C12orf42: variants seen among roughly 807,000 people sequenced by gnomAD.
C12orf42 encodes the protein chromosome 12 open reading frame 42.
A neutral mutation model predicts 21.6 loss-of-function variants in C12orf42; 25 were observed. The ratio of observed to expected loss-of-function variants is 1.16; its 90% confidence interval spans 0.84 to 1.62. The LOEUF (loss-of-function observed/expected upper bound fraction) is 1.62, where lower values mean the gene tolerates loss of function less well. Ranked by LOEUF, C12orf42 falls within the 40% of genes most tolerant of loss-of-function variation. C12orf42 has a pLI of 0.00. For missense variants in C12orf42, 483 were observed against 459.3 expected (o/e 1.05, Z -0.47); for synonymous variants, 174 against 175.0 (o/e 0.99, Z 0.05).
the C12orf42 span, among the ~76,000 whole-genome samples, chr12:103,113,971 G>T: frequency 6.6e-6 from 1 of 152,116 alleles, no homozygotes; most frequent in Non-Finnish European, 1.5e-5. Context: ...CAACAGTTTA[G>T]ATTTTTTTGT....
At chr12:103,068,842 T>C in the C12orf42 span, among the ~76,000 whole-genome samples, 2 of 147,406 alleles carry the variant, frequency 1.4e-5, no homozygotes, top group African/African-American at 2.5e-5. Flanking sequence ...CTTGTGATCA[T>C]GGGAGTTAAT....
downstream of C12orf42, among the ~76,000 whole-genome samples, chr12:103,297,075 T>C (rs905035744): frequency 6.6e-6 from 1 of 152,236 alleles, no homozygotes; most frequent in Non-Finnish European, 1.5e-5. Flanking sequence ...GCTTTCTACA[T>C]ATGGCTAGCC....
the C12orf42 span, among the ~76,000 whole-genome samples, chr12:103,541,100 C>T: frequency 3.9e-5 from 6 of 152,040 alleles, no homozygotes; most frequent in Admixed American, 2.6e-4. Flanking sequence ...GATGGAGTTT[C>T]ACCATGTTGC....
At chr12:103,332,996 A>G (rs991801004) in intron 4 of C12orf42, among the ~76,000 whole-genome samples, 1 of 152,208 alleles carries the variant, frequency 6.6e-6, no homozygotes, top group African/African-American at 2.4e-5. Context: ...AGAATTTCAG[A>G]TAGTAAGCAA....
chr12:103,345,760 A>G (rs1266226941), intron 4 of C12orf42, among the ~76,000 whole-genome samples: 1 of 152,224 alleles, frequency 6.6e-6, no homozygotes, highest in Non-Finnish European at 1.5e-5. Context: ...TAGTAAGTCA[A>G]CTGGGTATAA....
the C12orf42 span, among the ~76,000 whole-genome samples, chr12:103,068,875 C>CTCTATA: frequency 2.3e-5 from 3 of 128,798 alleles, no homozygotes; most frequent in East Asian, 2.1e-4. Context: ...ACTCCTCTCT[C>CTCTATA]TATATATATA....
the C12orf42 span, among the ~76,000 whole-genome samples, chr12:103,055,967 A>T: frequency 1.3e-5 from 2 of 152,032 alleles, no homozygotes; most frequent in Non-Finnish European, 2.9e-5. Context: ...GATATAGTCT[A>T]TTTTGGTATA....
chr12:103,525,768 G>A, the C12orf42 span, among the ~76,000 whole-genome samples: 1 of 152,120 alleles, frequency 6.6e-6, no homozygotes, highest in Non-Finnish European at 1.5e-5. Context: ...GGTGGCTCAC[G>A]CCTGTAATCC....
the C12orf42 span, among the ~76,000 whole-genome samples, chr12:103,562,393 C>T: frequency 6.6e-6 from 1 of 152,166 alleles, no homozygotes; most frequent in African/African-American, 2.4e-5. Context: ...TAGCACATCC[C>T]CTGCTCTCTT....
chr12:103,521,570 A>G, the C12orf42 span, among the ~76,000 whole-genome samples: 23 of 152,254 alleles, frequency 1.5e-4, no homozygotes, highest in African/African-American at 5.3e-4. Flanking sequence ...TAAATAGCTA[A>G]TGCATGTGGG....
the C12orf42 span, among the ~76,000 whole-genome samples, chr12:103,144,804 G>A: frequency 1.3e-5 from 2 of 152,198 alleles, no homozygotes; most frequent in East Asian, 3.9e-4. Flanking sequence ...AGCAGAAAGG[G>A]ATTTTGGGGA....
chr12:103,510,963 T>C, the C12orf42 span, among the ~76,000 whole-genome samples: 2 of 152,162 alleles, frequency 1.3e-5, no homozygotes, highest in African/African-American at 2.4e-5. Context: ...GTGGGAGACA[T>C]TGTGTGGCCA....
At chr12:103,204,626 T>A in the C12orf42 span, among the ~76,000 whole-genome samples, 15 of 152,210 alleles carry the variant, frequency 9.9e-5, no homozygotes, top group African/African-American at 2.9e-4. Context: ...AATGCTTTTT[T>A]AGGAAAAATA....
chr12:103,270,333 AAGGGAAGGAAGTAAGG>A (rs1214239470), intron 5 of C12orf42: 2 of 143,702 alleles, frequency 1.4e-5, no homozygotes, highest in African/African-American at 2.5e-5. Flanking sequence ...TAGGTGGGGG[AAGGGAAGGAAGTAAGG>A]AGGGAAGGAA....
At chr12:103,194,318 C>T in the C12orf42 span, among the ~76,000 whole-genome samples, 2 of 151,920 alleles carry the variant, frequency 1.3e-5, no homozygotes, top group African/African-American at 4.8e-5. Flanking sequence ...AATTCCTAGC[C>T]AGAGAAATTA....
In C12orf42 at chr12:103,491,959, T is replaced by G. The variant is rs113816261; in HGVS notation, c.-22+3943A>C. ...CTCCTTGTTTTCAATTTTGTTTTTT[T>G]TTTGTTTGTTTGTTTAAGATAGAGT... On this transcript the variant is annotated intron_variant, in intron 1 of 5. Coordinates refer to ENST00000548883, the MANE Select transcript of C12orf42 (RefSeq NM_198521.5). 9.9e-3 allele frequency among the ~76,000 whole-genome samples: 1,500 copies of G among 151,614 alleles called. 28 individuals carry two copies. The highest frequency in any genetic ancestry group is 0.031 in the African/African-American group (1,267 of 41,342).
At chr12:103,109,224 A>G in the C12orf42 span, among the ~76,000 whole-genome samples, 1 of 152,204 alleles carries the variant, frequency 6.6e-6, no homozygotes, top group African/African-American at 2.4e-5. Context: ...AATCTGGATG[A>G]TATTGGCATA....
the C12orf42 span, among the ~76,000 whole-genome samples, chr12:103,509,789 CA>C: frequency 6.6e-6 from 1 of 152,124 alleles, no homozygotes; most frequent in Non-Finnish European, 1.5e-5. Context: ...AAATGCAAAT[CA>C]AAACCACAAT....
chr12:103,266,249 C>T (rs1744269105), downstream of C12orf42, among the ~76,000 whole-genome samples: 1 of 151,690 alleles, frequency 6.6e-6, no homozygotes, highest in South Asian at 2.1e-4. Context: ...ACTAGATATC[C>T]AAAATAGAAG....
Sources: gnomAD v4.1 joint callset for allele counts (sites outside exome capture counted in the v4.1 genomes callset) on GRCh38, gnomAD v4.1.1 for gene constraint, MANE v1.5 for transcripts, NCBI Gene and HGNC (gene_info 2026-07-23, HGNC 2026-07-21) for gene names.